Variants in ADA2 observed in about 807,000 individuals in gnomAD.
The protein encoded by ADA2 is adenosine deaminase 2.
A neutral mutation model predicts 44.2 loss-of-function variants in ADA2; 29 were observed. The observed-to-expected ratio is 0.66, with a 90% CI of 0.49 to 0.89. The LOEUF (loss-of-function observed/expected upper bound fraction) is 0.89, where lower values mean the gene tolerates loss of function less well. Among genes scored for constraint, ADA2 ranks in the 40% least tolerant of loss-of-function variants. The pLI is 0.00. For synonymous variants in ADA2, 215 were observed against 234.9 expected (o/e 0.92, Z 0.77); for missense variants, 637 against 644.8 (o/e 0.99, Z 0.13).
rs33921509 is a variant in ADA2 at position 17,183,955 on chromosome 22, C to CTTTTTTTT, written c.1082-1202_1082-1195dup. Among the ~76,000 whole-genome samples the CTTTTTTTT allele has an allele frequency of 3.9e-3, 310 of 79,708 alleles. 13 individuals are homozygous for CTTTTTTTT. The highest frequency in any genetic ancestry group is 0.019 in the Middle Eastern group (1 of 54). The allele number at this position is 79,708 out of a possible 152,430, so 52.3% of individuals were successfully genotyped here. On this transcript the variant is annotated intron_variant, in intron 7 of 9. Coordinates refer to ENST00000399837, the MANE Select transcript of ADA2 (RefSeq NM_001282225.2). The stretch of plus-strand genomic sequence containing the variant: ...CCCCTGCCATCCCCATCACACCTTT[C>CTTTTTTTT]TTTTTTTTTTTTTTTTTTTTTGAGA...
chr22:17,196,088 T>G (rs540754176), intron 4 of ADA2, among the ~76,000 whole-genome samples: 92 of 152,102 alleles, frequency 6.0e-4, no homozygotes, highest in African/African-American at 2.1e-3. Flanking sequence ...AGCTCACACC[T>G]GTAATCCCAG....
chr22:17,204,534 C>G (rs1187620952), intron 3 of ADA2, among the ~76,000 whole-genome samples: 8 of 151,898 alleles, frequency 5.3e-5, no homozygotes, highest in African/African-American at 1.7e-4. Context: ...TGTTTGAACC[C>G]TGGAAGTGGA....
At chr22:17,193,678 TA>T (rs34505611) in intron 4 of ADA2, among the ~76,000 whole-genome samples, 255 of 126,730 alleles carry the variant, frequency 2.0e-3, no homozygotes, top group African/African-American at 3.1e-3. Context: ...AAAAAAAAAC[TA>T]AAAAAAAAAA....
chr22:17,191,057 T>C (rs371784772), intron 5 of ADA2, among the ~76,000 whole-genome samples: 2 of 152,232 alleles, frequency 1.3e-5, no homozygotes, highest in East Asian at 3.9e-4. Context: ...CTGCTGCCCT[T>C]GCAGCTGCGA....
chr22:17,209,721 G>A lies in ADA2; in HGVS notation c.-44C>T. On this transcript the variant is annotated splice_region_variant and 5_prime_UTR_variant, in exon 2 of 10. Transcript: ENST00000399837. Reference sequence around the variant, plus strand: ...AAAGGGCTCAGATGGAGACTCCACGGGACTGCAAAGGAGAGTGGGGGAGTG... The same window carrying A: ...AAAGGGCTCAGATGGAGACTCCACGAGACTGCAAAGGAGAGTGGGGGAGTG... 6.7e-7 allele frequency: 1 copy of A among 1,485,698 alleles called. No individual in the cohort carries two copies. Among genetic ancestry groups the A allele is most frequent in the Non-Finnish European group, 9.2e-7 (1 of 1,083,628 alleles). 92.0% of individuals were successfully genotyped at this position (1,485,698 alleles called of 1,614,324 possible).
intron 4 of ADA2, among the ~76,000 whole-genome samples, chr22:17,195,543 CAAA>C (rs1229087980): frequency 6.6e-6 from 1 of 150,550 alleles, no homozygotes; most frequent in East Asian, 2.0e-4. Context: ...AAAAACAAAA[CAAA>C]ACAAAAAAAT....
chr22:17,204,931 G>A (rs1339136342), intron 3 of ADA2, among the ~76,000 whole-genome samples: 1 of 151,544 alleles, frequency 6.6e-6, no homozygotes, highest in African/African-American at 2.4e-5. Flanking sequence ...GGGTAGCTGA[G>A]ACTATAGGTG....
intron 2 of ADA2, 103 bp downstream of exon 2, chr22:17,209,253 C>T (rs777043973): frequency 1.0e-5 from 10 of 983,984 alleles, no homozygotes; most frequent in Non-Finnish European, 1.5e-5. Context: ...GTGAGGCTTT[C>T]TCTGCTCCAT....
At chr22:17,184,719 G>A (rs937532087) in intron 7 of ADA2, among the ~76,000 whole-genome samples, 2 of 150,404 alleles carry the variant, frequency 1.3e-5, no homozygotes, top group Admixed American at 6.6e-5. Context: ...CTTGAGCCCA[G>A]GAGTTCAAGG....
Position 17,208,092 on chromosome 22 carries a change from G to A in ADA2, c.323-802C>T, listed in dbSNP as rs1027811600. On this transcript the variant is annotated intron_variant, in intron 2 of 9. Transcript: ENST00000399837. ...GGGGATGCTACTTTACTGACCTCAC[G>A]ATTATTATTATTTTTTAAATCTCTA... Among the ~76,000 whole-genome samples, 13 of 151,942 alleles carry A rather than the reference G, an allele frequency of 8.6e-5. No homozygotes were observed. The East Asian group carries it at 1.9e-3, about 23-fold the overall frequency.
chr22:17,193,204 CACA>C (rs1375567512), intron 4 of ADA2: 4 of 1,232,174 alleles, frequency 3.2e-6, no homozygotes, highest in East Asian at 2.4e-5. Context: ...TGACATCGCT[CACA>C]ACGTTTCCTC....
At chr22:17,199,444 C>CCTCCCTCCCCTCCTCTATCCTCTTCCA in intron 4 of ADA2, 1 of 1,108,400 alleles carries the variant, frequency 9.0e-7, no homozygotes, top group Non-Finnish European at 1.4e-6. Flanking sequence ...ATCCTCTTCC[C>CCTCCCTCCCCTCCTCTATCCTCTTCCA]CTCCACCCAC....
At chr22:17,220,614 G>C (rs189658815), upstream of ADA2, among the ~76,000 whole-genome samples, 1 of 151,784 alleles carries the variant, frequency 6.6e-6, no homozygotes, top group East Asian at 1.9e-4. Flanking sequence ...GACATGGGAG[G>C]CTACACCAGG....
intron 4 of ADA2, among the ~76,000 whole-genome samples, chr22:17,200,285 T>C (rs1417267847): frequency 6.6e-6 from 1 of 152,160 alleles, no homozygotes; most frequent in African/African-American, 2.4e-5. Flanking sequence ...CTCATCAATT[T>C]TTGCCAGCGC....
upstream of ADA2, among the ~76,000 whole-genome samples, chr22:17,221,424 C>A (rs1386041649): frequency 6.6e-6 from 1 of 152,164 alleles, no homozygotes; most frequent in Non-Finnish European, 1.5e-5. Context: ...TCTCCTAATG[C>A]TATCCCTCCC....
In ADA2 at chr22:17,207,066, C is replaced by T. The variant is rs754845225; in HGVS notation, c.542+5G>A. ...GGGACATGTGCTTTCTGAACTACTA[C>T]TCACCTGTCATCAAACTCAGTGACG... On this transcript the variant is annotated splice_donor_5th_base_variant and intron_variant, in intron 3 of 9. Transcript: ENST00000399837. The T allele has an allele frequency of 2.4e-5, 38 of 1,611,174 alleles. No homozygotes were observed. Among genetic ancestry groups the T allele is most frequent in the Non-Finnish European group, 3.1e-5 (37 of 1,177,520 alleles).
At chr22:17,186,027 G>A (rs1289223209) in intron 7 of ADA2, among the ~76,000 whole-genome samples, 2 of 152,230 alleles carry the variant, frequency 1.3e-5, no homozygotes, top group Non-Finnish European at 2.9e-5. Flanking sequence ...CGAGCCCAAG[G>A]ATGGAGTTCT....
At chr22:17,221,355 G>A (rs1214239030), upstream of ADA2, among the ~76,000 whole-genome samples, 1 of 151,954 alleles carries the variant, frequency 6.6e-6, no homozygotes, top group Non-Finnish European at 1.5e-5. Flanking sequence ...TGATACATAG[G>A]TATACCTGTG....
chr22:17,216,287 T>C (rs1034052721), intron 1 of ADA2, among the ~76,000 whole-genome samples: 1 of 151,740 alleles, frequency 6.6e-6, no homozygotes, highest in Non-Finnish European at 1.5e-5. Flanking sequence ...ATCACTTGAG[T>C]CTGGGAGGTC....
Sources: allele counts gnomAD v4.1 joint callset (sites outside exome capture counted in the v4.1 genomes callset), GRCh38; gene constraint gnomAD v4.1.1; transcripts MANE v1.5; gene names NCBI Gene and HGNC (gene_info 2026-07-23, HGNC 2026-07-21).